The following AGBL1 variants were observed in gnomAD, a reference collection of about 807,000 sequenced individuals.
The protein encoded by AGBL1 is AGBL carboxypeptidase 1.
In AGBL1, 130 loss-of-function variants were observed where a neutral mutation model predicts 118.9. That is an observed-to-expected ratio of 1.09 (90% confidence interval 0.95 to 1.26). The LOEUF (loss-of-function observed/expected upper bound fraction) is 1.26, where lower values mean the gene tolerates loss of function less well. AGBL1 is among the 50% of genes most tolerant of loss of function. The pLI is 0.00. For missense variants in AGBL1, 1,584 were observed against 1,298.1 expected (o/e 1.22, Z -3.38); for synonymous variants, 555 against 478.9 (o/e 1.16, Z -2.08).
chr15:86,620,666 C>T (rs2084790375), intron 21 of AGBL1, among the ~76,000 whole-genome samples: 1 of 152,148 alleles, frequency 6.6e-6, no homozygotes, highest in African/African-American at 2.4e-5. Flanking sequence ...TCCTACCTTG[C>T]CCTGCTGCAT....
intron 17 of AGBL1, among the ~76,000 whole-genome samples, chr15:86,303,892 A>G (rs1476819927): frequency 6.6e-6 from 1 of 152,194 alleles, no homozygotes; most frequent in Non-Finnish European, 1.5e-5. Context: ...AATTGGATGT[A>G]TTATCTCCAT....
intron 1 of AGBL1, among the ~76,000 whole-genome samples, chr15:86,081,320 C>A (rs896049846): frequency 6.6e-6 from 1 of 152,054 alleles, no homozygotes; most frequent in African/African-American, 2.4e-5. Flanking sequence ...GGATTACAGG[C>A]GTGAGCCACT....
At chr15:86,387,762 T>C (rs2081218516) in intron 17 of AGBL1, among the ~76,000 whole-genome samples, 1 of 152,138 alleles carries the variant, frequency 6.6e-6, no homozygotes, top group African/African-American at 2.4e-5. Flanking sequence ...TCCCCAAGAA[T>C]CCCCAGTGCG....
intron 7 of AGBL1, among the ~76,000 whole-genome samples, chr15:86,250,057 A>G (rs1169879999): frequency 1.3e-5 from 2 of 152,154 alleles, no homozygotes; most frequent in Admixed American, 1.3e-4. Flanking sequence ...TCATGTTATA[A>G]TCTCTGCAAG....
At chr15:86,439,560 C>T (rs1309249343) in intron 18 of AGBL1, among the ~76,000 whole-genome samples, 3 of 152,148 alleles carry the variant, frequency 2.0e-5, no homozygotes, top group Non-Finnish European at 4.4e-5. Context: ...TAAAGGAATG[C>T]ATAAATGAAT....
chr15:86,082,912 G>T (rs1895381741), intron 1 of AGBL1, among the ~76,000 whole-genome samples: 1 of 152,170 alleles, frequency 6.6e-6, no homozygotes, highest in South Asian at 2.1e-4. Context: ...CCCCTTGTCT[G>T]GCACTTACTC....
intron 24 of AGBL1, among the ~76,000 whole-genome samples, chr15:87,000,438 C>T (rs1160916187): frequency 4.8e-5 from 6 of 124,334 alleles, no homozygotes; most frequent in East Asian, 2.1e-4. Context: ...TTTCAGCTTT[C>T]TACATATGGC....
At chr15:86,257,625 T>C (rs1286217286) in intron 8 of AGBL1, among the ~76,000 whole-genome samples, 1 of 152,192 alleles carries the variant, frequency 6.6e-6, no homozygotes, top group Non-Finnish European at 1.5e-5. Context: ...ATTTCGTTTG[T>C]GTGTGATCTC....
chr15:86,478,006 A>G (rs1375019337), intron 18 of AGBL1, among the ~76,000 whole-genome samples: 3 of 152,134 alleles, frequency 2.0e-5, no homozygotes, highest in Admixed American at 6.5e-5. Context: ...AATAGATGCA[A>G]AAAGGCCTTT....
chr15:86,184,363 C>T (rs1016332812), intron 5 of AGBL1, among the ~76,000 whole-genome samples: 3 of 151,532 alleles, frequency 2.0e-5, no homozygotes, highest in Admixed American at 1.3e-4. Context: ...TATTGGAGGG[C>T]AATTGTTAAA....
In AGBL1 at chr15:86,663,134, C is replaced by T. The variant is rs116814597; in HGVS notation, c.2995-11139C>T. ...ATGGGTTAATGGCCCCTGCTCATAC[C>T]CACCAAGTGAATCCCCTACCCACTA... On this transcript the variant is annotated intron_variant, in intron 21 of 22. Coordinates refer to ENST00000614907, the MANE Select transcript of AGBL1 (RefSeq NM_001386094.1). Among the ~76,000 whole-genome samples the T allele has an allele frequency of 2.7e-3, 414 of 152,142 alleles. 1 individual carries two copies. Among genetic ancestry groups the T allele is most frequent in the African/African-American group, 9.5e-3 (395 of 41,498 alleles).
At chr15:86,594,342 G>A (rs1157332547) in intron 21 of AGBL1, among the ~76,000 whole-genome samples, 1 of 152,066 alleles carries the variant, frequency 6.6e-6, no homozygotes, top group Non-Finnish European at 1.5e-5. Context: ...TTGATTTTGA[G>A]GTCTATTTGT....
chr15:86,236,705 A>G (rs934258320), intron 6 of AGBL1, among the ~76,000 whole-genome samples: 1 of 151,942 alleles, frequency 6.6e-6, no homozygotes, highest in Non-Finnish European at 1.5e-5. Flanking sequence ...CTCCCCATAC[A>G]GAGACAGAGG....
At chr15:86,979,790 A>G (rs1371053866) in intron 23 of AGBL1, among the ~76,000 whole-genome samples, 2 of 152,158 alleles carry the variant, frequency 1.3e-5, no homozygotes, top group Non-Finnish European at 2.9e-5. Context: ...GGCGTGAGCC[A>G]CTGCGCCCGG....
chr15:86,755,106 T>A (rs1160624299), intron 22 of AGBL1, among the ~76,000 whole-genome samples: 1 of 152,066 alleles, frequency 6.6e-6, no homozygotes, highest in African/African-American at 2.4e-5. Flanking sequence ...ATTTCCACAA[T>A]GTGACGGACT....
intron 22 of AGBL1, among the ~76,000 whole-genome samples, chr15:86,747,296 A>C (rs891559111): frequency 6.6e-6 from 1 of 152,136 alleles, no homozygotes; most frequent in African/African-American, 2.4e-5. Context: ...CCATGTCTCC[A>C]TTGTCTAGAT....
Position 86,868,368 on chromosome 15 carries a change from G to T in AGBL1, c.3159-38719G>T, listed in dbSNP as rs1394253291. Among the ~76,000 whole-genome samples, 3 of 152,188 alleles carry T rather than the reference G, an allele frequency of 2.0e-5. 1 individual carries two copies. The highest frequency in any genetic ancestry group is 7.2e-5 in the African/African-American group (3 of 41,440). On this transcript the variant is annotated intron_variant, in intron 22 of 22. Transcript: ENST00000614907. The stretch of plus-strand genomic sequence containing the variant: ...GCCACACAAGACTGTAACCTCTTGG[G>T]TCTTTCTAGATGAGAAGTCTTGTTT...
Position 86,615,096 on chromosome 15 carries a change from T to C in AGBL1, c.2995-59177T>C, listed in dbSNP as rs941469752. Among the ~76,000 whole-genome samples the C allele has an allele frequency of 6.6e-6, 1 of 152,144 alleles. No individual in the cohort carries two copies. The highest frequency in any genetic ancestry group is 2.4e-5 in the African/African-American group (1 of 41,430). Reference sequence around the variant, plus strand: ...AAGGTTAGGACTAGAATGTCAAATGTCTTGAGTGACACATTAAGCAGCATG... The same window carrying C: ...AAGGTTAGGACTAGAATGTCAAATGCCTTGAGTGACACATTAAGCAGCATG... On this transcript the variant is annotated intron_variant, in intron 21 of 22. Coordinates refer to ENST00000614907, the MANE Select transcript of AGBL1 (RefSeq NM_001386094.1). This position sits in a 1 kb window ranked among gnomAD's most constrained non-coding sequence, Gnocchi z 4.3.
At chr15:86,821,583 C>G (rs536941673) in intron 22 of AGBL1, among the ~76,000 whole-genome samples, 21 of 152,152 alleles carry the variant, frequency 1.4e-4, no homozygotes, top group African/African-American at 5.1e-4. Context: ...TGTAACAGAA[C>G]GGTATATTAT....
Sources: gnomAD v4.1 joint callset for allele counts (sites outside exome capture counted in the v4.1 genomes callset) on GRCh38, gnomAD v4.1.1 for gene constraint, Gnocchi (gnomAD v3.1) non-coding constraint, MANE v1.5 for transcripts, NCBI Gene and HGNC (gene_info 2026-07-23, HGNC 2026-07-21) for gene names.